Variants in TRIB2 observed in about 807,000 individuals in gnomAD.
TRIB2 encodes tribbles homolog 2.
Under a neutral mutation model 26.8 loss-of-function variants are expected in TRIB2, and 2 were observed. The ratio of observed to expected loss-of-function variants is 0.07; its 90% CI spans 0.03 to 0.24. TRIB2 has a LOEUF of 0.24. TRIB2 is among the 10% of genes least tolerant of loss of function. The pLI, the probability that TRIB2 is intolerant of heterozygous loss-of-function variation, is 1.00. For missense variants in TRIB2, 306 were observed against 449.0 expected (o/e 0.68, Z 2.88); for synonymous variants, 189 against 187.3 (o/e 1.01, Z -0.08).
intron 2 of TRIB2, among the ~76,000 whole-genome samples, chr2:12,731,578 C>G (rs1661459187): frequency 6.6e-6 from 1 of 152,194 alleles, no homozygotes; most frequent in African/African-American, 2.4e-5. Flanking sequence ...ACACTTTTAT[C>G]TTTACAAACA....
intron 1 of TRIB2, among the ~76,000 whole-genome samples, chr2:12,721,968 G>A (rs184685959): frequency 6.6e-6 from 1 of 152,306 alleles, no homozygotes; most frequent in East Asian, 1.9e-4. Context: ...AGAGGGAACA[G>A]AGCTTTTATC....
At position 12,732,531 on chromosome 2, in the gene TRIB2, G is replaced by A. The variant is rs189533836; in HGVS notation, c.564-7795G>A. Among the ~76,000 whole-genome samples, 550 of 152,302 alleles carry A rather than the reference G, an allele frequency of 3.6e-3. 4 individuals are homozygous for A. Among genetic ancestry groups the A allele is most frequent in the African/African-American group, 0.012 (492 of 41,566 alleles). ...CACCTGTTGCTCTCCCTGCTAATTT[G>A]TGGGCCATTTGAGGTAGGAGTTGGG... On this transcript the variant is annotated intron_variant, in intron 2 of 2. Transcript: ENST00000155926. This position sits in a 1 kb window ranked among gnomAD's most constrained non-coding sequence, Gnocchi z 4.2.
chr2:12,738,722 C>G (rs1351513712), intron 2 of TRIB2, among the ~76,000 whole-genome samples: 1 of 130,420 alleles, frequency 7.7e-6, no homozygotes, highest in East Asian at 4.4e-4. Flanking sequence ...GGAGGCTGGT[C>G]TAGGAGCTTG....
intron 1 of TRIB2, among the ~76,000 whole-genome samples, chr2:12,720,993 C>T (rs1661203609): frequency 6.6e-6 from 1 of 152,066 alleles, no homozygotes; most frequent in Admixed American, 6.5e-5. Flanking sequence ...TGTCACATTA[C>T]ATAACCAAGG....
intron 2 of TRIB2, among the ~76,000 whole-genome samples, chr2:12,728,885 C>T (rs1661387829): frequency 6.6e-6 from 1 of 152,186 alleles, no homozygotes. Context: ...TTCAGATCTT[C>T]AAGTTGCACC....
intron 2 of TRIB2, among the ~76,000 whole-genome samples, chr2:12,735,075 C>CA (rs1398515020): frequency 6.6e-6 from 1 of 152,184 alleles, no homozygotes; most frequent in Non-Finnish European, 1.5e-5. Context: ...AGCTGACACT[C>CA]ACCCCCGCCT....
chr2:12,717,276 A>C lies in TRIB2; in HGVS notation c.-1032A>C. ...GGACGAGATCCAGTTCTCCAGCGGGAAAGGGGCAAAGGAACGCCGCGCGTT... is the reference window on the plus strand; with the variant it reads ...GGACGAGATCCAGTTCTCCAGCGGGCAAGGGGCAAAGGAACGCCGCGCGTT... On this transcript the variant is annotated 5_prime_UTR_variant, in exon 1 of 3. Coordinates refer to ENST00000155926, the MANE Select transcript of TRIB2 (RefSeq NM_021643.4). This position sits in a 1 kb window ranked among gnomAD's most constrained non-coding sequence, Gnocchi z 4.8. 1 of 398,094 alleles carries C rather than the reference A, an allele frequency of 2.5e-6. No individual in the cohort carries two copies. The highest frequency in any genetic ancestry group is 4.4e-6 in the Non-Finnish European group (1 of 225,770). The allele number at this position is 398,094 out of a possible 1,614,324, so 24.7% of individuals were successfully genotyped here.
chr2:12,740,787 T>C lies in TRIB2; in HGVS notation c.1025T>C (p.Phe342Ser). The change falls in exon 3 of 3, where the codon TTT becomes TCT. Residue 342 changes from phenylalanine to serine, a missense_variant. Around this residue, in one of 4 missense-constraint regions of TRIB2, gnomAD observed 78 missense variants for 104.9 expected, o/e 0.74. Coordinates refer to ENST00000155926, the MANE Select transcript of TRIB2 (RefSeq NM_021643.4). The surrounding 1 kb of genome is among the most constrained non-coding windows in gnomAD (Gnocchi z 5.8). The part of the protein sequence containing the change: ...VNMEENLDPF[F>S]N ...ATGGAAGAGAACTTGGACCCTTTCT[T>C]TAACTGAGCTCATGCCCCACGGAGA... 1 of 1,613,070 alleles carries C rather than the reference T, an allele frequency of 6.2e-7. No homozygotes were observed. The highest frequency in any genetic ancestry group is 8.5e-7 in the Non-Finnish European group (1 of 1,179,292).
chr2:12,730,820 T>C (rs1055991464), intron 2 of TRIB2, among the ~76,000 whole-genome samples: 1 of 152,194 alleles, frequency 6.6e-6, no homozygotes, highest in Non-Finnish European at 1.5e-5. Context: ...TGGAAACTCA[T>C]TTTCAATGTT....
rs763843608 is a variant in TRIB2 at position 12,723,216 on chromosome 2, A to G, written c.271-44A>G. On this transcript the variant is annotated intron_variant, in intron 1 of 2. Transcript: ENST00000155926. ...GCAGCATTATGTGTTTTGGTTGTAC[A>G]AGAGGCACCTCTGACTTTGGTCTTA... 1.9e-5 allele frequency: 30 copies of G among 1,580,452 alleles called. 1 individual carries two copies. The Admixed American group carries it at 2.7e-4, about 14-fold the overall frequency.
intron 2 of TRIB2, among the ~76,000 whole-genome samples, chr2:12,737,825 A>G (rs906211420): frequency 6.6e-6 from 1 of 152,190 alleles, no homozygotes; most frequent in Non-Finnish European, 1.5e-5. Flanking sequence ...AAGATGGTAC[A>G]TGTTATGTTG....
chr2:12,719,584 T>TTG (rs1661146716), intron 1 of TRIB2, among the ~76,000 whole-genome samples: 1 of 151,456 alleles, frequency 6.6e-6, no homozygotes, highest in Non-Finnish European at 1.5e-5. Flanking sequence ...CTGTTTTTTT[T>TTG]TTTTTTTGAG....
At chr2:12,731,950 T>C (rs894951882) in intron 2 of TRIB2, among the ~76,000 whole-genome samples, 1 of 152,096 alleles carries the variant, frequency 6.6e-6, no homozygotes, top group Non-Finnish European at 1.5e-5. Flanking sequence ...TCCACTGATA[T>C]GGGGGAGGAG....
chr2:12,718,886 G>T lies in TRIB2; in HGVS notation c.270+309G>T, dbSNP rs1428595812. Among the ~76,000 whole-genome samples the T allele has an allele frequency of 6.6e-6, 1 of 152,078 alleles. No individual in the cohort carries two copies. The highest frequency in any genetic ancestry group is 1.5e-5 in the Non-Finnish European group (1 of 68,022). On this transcript the variant is annotated intron_variant, in intron 1 of 2. Transcript: ENST00000155926. This position sits in a 1 kb window ranked among gnomAD's most constrained non-coding sequence, Gnocchi z 4.0. Reference sequence around the variant, plus strand: ...AGCTCTCTGCGCGAGGCCGGGTCCCGCTGCCCGGGGGGGATTTCTTCCTGT... The same window carrying T: ...AGCTCTCTGCGCGAGGCCGGGTCCCTCTGCCCGGGGGGGATTTCTTCCTGT...
chr2:12,733,259 A>G (rs1300284234), intron 2 of TRIB2, among the ~76,000 whole-genome samples: 1 of 152,114 alleles, frequency 6.6e-6, no homozygotes, highest in Non-Finnish European at 1.5e-5. Flanking sequence ...ACCTGTATCT[A>G]CCTCATGAGC....
chr2:12,725,801 G>A (rs1203855381), intron 2 of TRIB2, among the ~76,000 whole-genome samples: 1 of 152,258 alleles, frequency 6.6e-6, no homozygotes, highest in African/African-American at 2.4e-5. Context: ...GTAAAGGACT[G>A]TAGGGAGCTG....
chr2:12,717,651 T>C lies in TRIB2; in HGVS notation c.-657T>C, dbSNP rs1021120275. On this transcript the variant is annotated 5_prime_UTR_variant, in exon 1 of 3. Coordinates refer to ENST00000155926, the MANE Select transcript of TRIB2 (RefSeq NM_021643.4). This position sits in a 1 kb window ranked among gnomAD's most constrained non-coding sequence, Gnocchi z 4.8. ...TTTAATTTTTGGAGAGCTCGCGATCTTGGAAAAGCCTCAGACGCCATCTAC... is the reference window on the plus strand; with the variant it reads ...TTTAATTTTTGGAGAGCTCGCGATCCTGGAAAAGCCTCAGACGCCATCTAC... 8 of 394,758 alleles carry C rather than the reference T, an allele frequency of 2.0e-5. No homozygotes were observed. Among genetic ancestry groups the C allele is most frequent in the African/African-American group, 8.2e-5 (4 of 48,662 alleles). 24.5% of individuals were successfully genotyped at this position (394,758 alleles called of 1,614,324 possible).
intron 2 of TRIB2, among the ~76,000 whole-genome samples, chr2:12,735,475 C>G (rs6748005): frequency 2.0e-5 from 3 of 151,694 alleles, no homozygotes; most frequent in African/African-American, 7.3e-5. Flanking sequence ...TAGGTGGGGT[C>G]AGGCCTAAGG....
rs1661713615 is a variant in TRIB2 at position 12,741,606 on chromosome 2, T to C, written c.*812T>C. On this transcript the variant is annotated 3_prime_UTR_variant, in exon 3 of 3. Transcript: ENST00000155926. ...AAAGAGAAATCCAACTCCTTTTTCA[T>C]GTTTTGCTTTTGAACAATGAGGGTT... 1 of 152,302 alleles carries C rather than the reference T, an allele frequency of 6.6e-6. No individual in the cohort carries two copies. Among genetic ancestry groups the C allele is most frequent in the East Asian group, 1.9e-4 (1 of 5,206 alleles). 9.4% of individuals were successfully genotyped at this position (152,302 alleles called of 1,614,324 possible).
Sources: gnomAD v4.1 joint callset for allele counts (sites outside exome capture counted in the v4.1 genomes callset) on GRCh38, gnomAD v4.1.1 for gene constraint, gnomAD v4.1.1 regional missense constraint, Gnocchi (gnomAD v3.1) non-coding constraint, MANE v1.5 for transcripts, NCBI Gene and HGNC (gene_info 2026-07-23, HGNC 2026-07-21) for gene names.